Variants in AJAP1 observed in about 807,000 individuals in gnomAD.
The protein encoded by AJAP1 is adherens junctions associated protein 1, also known as adherens junction-associated protein 1.
AJAP1 carries 5 observed loss-of-function variants against 35.0 expected under a neutral mutation model. That is an observed-to-expected ratio of 0.14 (90% CI 0.07 to 0.30). The LOEUF is 0.30. Ranked by LOEUF, AJAP1 falls within the 10% of genes least tolerant of loss-of-function variation. The pLI is 1.00. For synonymous variants in AJAP1, 284 were observed against 249.3 expected, an observed-to-expected ratio of 1.14 and a Z score of -1.31; for missense variants, 586 against 571.0, an observed-to-expected ratio of 1.03 and a Z score of -0.27.
intron 1 of AJAP1, among the ~76,000 whole-genome samples, chr1:4,690,895 A>G (rs1177659407): frequency 2.0e-5 from 3 of 152,188 alleles, no homozygotes; most frequent in African/African-American, 7.2e-5. Flanking sequence ...TTGGGGGTCA[A>G]GTGCGCACTG....
intron 2 of AJAP1, among the ~76,000 whole-genome samples, chr1:4,760,275 G>A (rs1641534202): frequency 6.6e-6 from 1 of 151,888 alleles, no homozygotes; most frequent in African/African-American, 2.4e-5. Context: ...CCGTGTATGT[G>A]TGAGTGTGTG....
chr1:4,774,392 C>T (rs374510067), intron 4 of AJAP1, 35 bp from the exon 5 acceptor site: 4 of 1,602,678 alleles, frequency 2.5e-6, no homozygotes, highest in African/African-American at 1.3e-5. Context: ...GGTCAAGTAC[C>T]AGCACGCCAA....
chr1:4,689,190 G>A (rs982273100), intron 1 of AJAP1, among the ~76,000 whole-genome samples: 4 of 152,130 alleles, frequency 2.6e-5, no homozygotes, highest in East Asian at 1.9e-4. Context: ...GAAACACACC[G>A]ACGTCCTCGC....
At chr1:4,717,662 A>T (rs2100276535) in intron 2 of AJAP1, among the ~76,000 whole-genome samples, 1 of 152,300 alleles carries the variant, frequency 6.6e-6, no homozygotes, top group South Asian at 2.1e-4. Flanking sequence ...TCCCTCGGTA[A>T]GCACAGGTGA....
intron 2 of AJAP1, among the ~76,000 whole-genome samples, chr1:4,750,293 G>C (rs949334796): frequency 6.6e-6 from 1 of 152,242 alleles, no homozygotes; most frequent in African/African-American, 2.4e-5. Flanking sequence ...CACCTAAGGG[G>C]ATGTGGAGGT....
At position 4,772,297 on chromosome 1, in the gene AJAP1, A is replaced by C. The variant is rs536502072; in HGVS notation, c.935A>C (p.Asn312Thr). 1.2e-6 allele frequency: 2 copies of C among 1,614,098 alleles called. No individual in the cohort carries two copies. Among genetic ancestry groups the C allele is most frequent in the African/African-American group, 2.7e-5 (2 of 75,040 alleles). ...VLKNCCAQSGNTRRNSHQRKT... is the reference protein window; with the variant it reads ...VLKNCCAQSGTTRRNSHQRKT... ...TCTTCCAGCTGTGCCCAAAGCGGGAACACTCGTCGGAACAGCCACCAGCGG... is the reference window on the plus strand; with the variant it reads ...TCTTCCAGCTGTGCCCAAAGCGGGACCACTCGTCGGAACAGCCACCAGCGG... The change falls in exon 4 of 6, where the codon AAC becomes ACC. Residue 312 changes from asparagine to threonine, a missense_variant. Physicochemically the swap from Asn to Thr is moderately conservative, Grantham distance 65 (BLOSUM62 0). Transcript: ENST00000378191.
chr1:4,743,122 G>T (rs76744373), intron 2 of AJAP1, among the ~76,000 whole-genome samples: 1,861 of 152,340 alleles, frequency 0.012, 23 homozygotes, highest in Non-Finnish European at 0.021. Context: ...CTTGGTGGCT[G>T]CAGTGACATC....
At chr1:4,691,845 T>G (rs1639747300) in intron 1 of AJAP1, among the ~76,000 whole-genome samples, 1 of 152,132 alleles carries the variant, frequency 6.6e-6, no homozygotes, top group Admixed American at 6.5e-5. Flanking sequence ...CAGGACCGCC[T>G]GGCAGGGAGC....
intron 1 of AJAP1, among the ~76,000 whole-genome samples, chr1:4,685,350 A>G (rs916417820): frequency 6.6e-6 from 1 of 152,250 alleles, no homozygotes; most frequent in Non-Finnish European, 1.5e-5. Context: ...TGCCGCCTGC[A>G]TAGCCTCTCC....
At chr1:4,746,673 C>T (rs868237392) in intron 2 of AJAP1, among the ~76,000 whole-genome samples, 27 of 152,334 alleles carry the variant, frequency 1.8e-4, no homozygotes, top group African/African-American at 5.8e-4. Context: ...AATTGTCCTA[C>T]TTAGTACAAA....
intron 5 of AJAP1, among the ~76,000 whole-genome samples, chr1:4,776,354 A>G (rs1270893208): frequency 1.3e-5 from 2 of 151,982 alleles, no homozygotes; most frequent in African/African-American, 4.8e-5. Context: ...CCTCCCAGCA[A>G]TTCCTTTTAC....
At chr1:4,718,490 C>CT (rs572430674) in intron 2 of AJAP1, among the ~76,000 whole-genome samples, 2,853 of 141,904 alleles carry the variant, frequency 0.02, 66 homozygotes, top group South Asian at 0.12. Context: ...TCTTTCTTTC[C>CT]TTTTTTTTTT....
At chr1:4,657,441 A>G (rs1638906063) in intron 1 of AJAP1, among the ~76,000 whole-genome samples, 2 of 152,162 alleles carry the variant, frequency 1.3e-5, no homozygotes, top group South Asian at 4.2e-4. Context: ...GCCTGTACCC[A>G]GAGGGTCTGG....
At chr1:4,749,041 G>A (rs1641261950) in intron 2 of AJAP1, among the ~76,000 whole-genome samples, 1 of 152,186 alleles carries the variant, frequency 6.6e-6, no homozygotes, top group Non-Finnish European at 1.5e-5. Context: ...ATTTCTGGTG[G>A]ACACGGTTCA....
chr1:4,725,404 C>A (rs1338369616), intron 2 of AJAP1, among the ~76,000 whole-genome samples: 1 of 152,108 alleles, frequency 6.6e-6, no homozygotes, highest in African/African-American at 2.4e-5. Flanking sequence ...AGCTCACGGG[C>A]AGGGCTGTCG....
intron 1 of AJAP1, among the ~76,000 whole-genome samples, chr1:4,688,824 T>C (rs1261468288): frequency 6.6e-6 from 1 of 151,300 alleles, no homozygotes; most frequent in Non-Finnish European, 1.5e-5. Flanking sequence ...CTTGTTTTCC[T>C]TGCCATGGCG....
chr1:4,680,489 G>A (rs979287458), intron 1 of AJAP1, among the ~76,000 whole-genome samples: 1 of 152,198 alleles, frequency 6.6e-6, no homozygotes, highest in Non-Finnish European at 1.5e-5. Flanking sequence ...ATGGGAGACA[G>A]AGGCTGGGTA....
At chr1:4,722,368 G>A (rs544226041) in intron 2 of AJAP1, among the ~76,000 whole-genome samples, 283 of 152,314 alleles carry the variant, frequency 1.9e-3, no homozygotes, top group African/African-American at 6.5e-3. Context: ...GACCTGTGGC[G>A]TCCATACCTG....
intron 2 of AJAP1, among the ~76,000 whole-genome samples, chr1:4,749,892 G>A (rs1283031785): frequency 6.6e-6 from 1 of 152,204 alleles, no homozygotes; most frequent in East Asian, 1.9e-4. Context: ...GTTTGCAAAT[G>A]TGTGTGTGTT....
Sources: gnomAD v4.1 joint callset for allele counts (sites outside exome capture counted in the v4.1 genomes callset) on GRCh38, gnomAD v4.1.1 for gene constraint, MANE v1.5 for transcripts, NCBI Gene and HGNC (gene_info 2026-07-23, HGNC 2026-07-21) for gene names.